Variants in DGKB observed in about 807,000 individuals in gnomAD.
The protein encoded by DGKB is 90 kDa diacylglycerol kinase.
A neutral mutation model predicts 114.3 loss-of-function variants in DGKB; 67 were observed. The ratio of observed to expected loss-of-function variants is 0.59; its 90% CI spans 0.48 to 0.72. DGKB has a LOEUF of 0.72. Among genes scored for constraint, DGKB ranks in the 30% least tolerant of loss-of-function variants. DGKB has a pLI of 0.00. For missense variants in DGKB, 907 were observed against 975.2 expected (o/e 0.93, Z 0.93); for synonymous variants, 398 against 323.1 (o/e 1.23, Z -2.49).
chr7:14,697,821 GGA>G (rs780492348), intron 8 of DGKB, among the ~76,000 whole-genome samples: 11 of 140,778 alleles, frequency 7.8e-5, no homozygotes, highest in Non-Finnish European at 1.1e-4. Context: ...AGAAAGGAAA[GGA>G]GAGAGAGAGA....
chr7:14,239,772 G>T (rs940773205), intron 23 of DGKB, among the ~76,000 whole-genome samples: 2 of 152,098 alleles, frequency 1.3e-5, no homozygotes, highest in Non-Finnish European at 1.5e-5. Context: ...GTAAAATAAG[G>T]TTTGGGGATT....
At chr7:14,568,723 C>T (rs913087220) in intron 20 of DGKB, among the ~76,000 whole-genome samples, 2 of 152,156 alleles carry the variant, frequency 1.3e-5, no homozygotes, top group Non-Finnish European at 2.9e-5. Flanking sequence ...GGGTCTATAA[C>T]AATGAATATG....
chr7:14,707,098 G>T (rs1434741104), intron 6 of DGKB, among the ~76,000 whole-genome samples: 2 of 142,390 alleles, frequency 1.4e-5, no homozygotes, highest in Non-Finnish European at 3.0e-5. Flanking sequence ...AAAGAGAGAA[G>T]AATCAAATAG....
chr7:14,224,125 TTCC>T (rs761382737), intron 23 of DGKB, among the ~76,000 whole-genome samples: 5 of 152,052 alleles, frequency 3.3e-5, no homozygotes, highest in Non-Finnish European at 7.4e-5. Flanking sequence ...TTTCTCCTGC[TTCC>T]TCCTATCTTT....
chr7:14,587,921 T>C (rs1376978786), intron 17 of DGKB, among the ~76,000 whole-genome samples: 2 of 152,178 alleles, frequency 1.3e-5, no homozygotes, highest in Non-Finnish European at 2.9e-5. Flanking sequence ...TTCACTTTAT[T>C]GTGATATTCA....
intron 21 of DGKB, among the ~76,000 whole-genome samples, chr7:14,450,974 A>C (rs1339695842): frequency 6.6e-6 from 1 of 152,104 alleles, no homozygotes; most frequent in Non-Finnish European, 1.5e-5. Flanking sequence ...GCTATCAGTC[A>C]GATGCCCAAA....
At chr7:14,763,350 T>C (rs1247389941) in intron 2 of DGKB, among the ~76,000 whole-genome samples, 4 of 152,108 alleles carry the variant, frequency 2.6e-5, no homozygotes, top group African/African-American at 9.7e-5. Flanking sequence ...TGGGCACTAG[T>C]AACACTATTA....
chr7:14,841,057 C>T (rs769692503), intron 2 of DGKB, 137 bp downstream of exon 2: 24 of 674,900 alleles, frequency 3.6e-5, no homozygotes, highest in Non-Finnish European at 5.7e-5. Context: ...CTCAAGTCAA[C>T]CTGACTTGTA....
In DGKB at chr7:14,511,585, A is replaced by G. The variant is rs577632109; in HGVS notation, c.1771-33360T>C. 3.3e-5 allele frequency among the ~76,000 whole-genome samples: 5 copies of G among 152,300 alleles called. No homozygotes were observed. The East Asian group carries it at 7.7e-4, about 24-fold the overall frequency. On this transcript the variant is annotated intron_variant, in intron 20 of 25. Coordinates refer to ENST00000402815, the MANE Select transcript of DGKB (RefSeq NM_001350709.2). ...TAAGGCTGTTTCACTTTCACTTCATAGTTCATGGGAGTAACCCTTTTAATT... is the reference window on the plus strand; with the variant it reads ...TAAGGCTGTTTCACTTTCACTTCATGGTTCATGGGAGTAACCCTTTTAATT...
chr7:14,638,291 A>G (rs1226167960), intron 13 of DGKB, among the ~76,000 whole-genome samples: 1 of 152,160 alleles, frequency 6.6e-6, no homozygotes, highest in Non-Finnish European at 1.5e-5. Context: ...ACTAAATACA[A>G]TGCTACTTTG....
rs546131981 is a variant in DGKB at position 14,736,198 on chromosome 7, GA to G, written c.169-5del. The G allele has an allele frequency of 3.8e-4, 446 of 1,159,910 alleles. No homozygotes were observed. The highest frequency in any genetic ancestry group is 1.8e-3 in the Admixed American group (55 of 30,998). 71.9% of individuals were successfully genotyped at this position (1,159,910 alleles called of 1,614,324 possible). A position where few individuals can be genotyped will look rare whatever the true frequency, so the allele number is the denominator to read the frequency against. On this transcript the variant is annotated splice_region_variant and splice_polypyrimidine_tract_variant and intron_variant, in intron 4 of 25. Coordinates refer to ENST00000402815, the MANE Select transcript of DGKB (RefSeq NM_001350709.2). Reference sequence around the variant, plus strand: ...TGAAACCTTCAAAATCTATTGTCTGGAAAAAAAAAATGTAAACATGTATTTT... The same window carrying G: ...TGAAACCTTCAAAATCTATTGTCTGGAAAAAAAAATGTAAACATGTATTTT...
chr7:14,790,356 T>C (rs1840493248), intron 2 of DGKB, among the ~76,000 whole-genome samples: 1 of 152,308 alleles, frequency 6.6e-6, no homozygotes, highest in Non-Finnish European at 1.5e-5. Flanking sequence ...GTCTAAGAAA[T>C]GTTTGCCTAG....
At chr7:14,369,865 T>G (rs1817341279) in intron 21 of DGKB, among the ~76,000 whole-genome samples, 1 of 152,196 alleles carries the variant, frequency 6.6e-6, no homozygotes, top group Non-Finnish European at 1.5e-5. Context: ...TCCCATTCTG[T>G]AAAATTATGT....
intron 2 of DGKB, among the ~76,000 whole-genome samples, chr7:14,797,363 C>T (rs1479658667): frequency 1.3e-5 from 2 of 152,122 alleles, no homozygotes; most frequent in Admixed American, 6.6e-5. Context: ...CCCAAAGGAC[C>T]TATGGCATTT....
Position 14,741,586 on chromosome 7 carries a change from G to C in DGKB, c.169-5392C>G, listed in dbSNP as rs552725839. On this transcript the variant is annotated intron_variant, in intron 4 of 25. Transcript: ENST00000402815. ...AATGAGTAGTTTCTGGCAAATACCT[G>C]TGTGACTTCTACCATTTGCTGATTC... 1.1e-4 allele frequency among the ~76,000 whole-genome samples: 16 copies of C among 152,290 alleles called. No individual in the cohort carries two copies. The South Asian group carries it at 2.9e-3, about 28-fold the overall frequency.
intron 2 of DGKB, among the ~76,000 whole-genome samples, chr7:14,760,355 A>C (rs1835507961): frequency 6.6e-6 from 1 of 152,148 alleles, no homozygotes; most frequent in Non-Finnish European, 1.5e-5. Context: ...CATTGCAATA[A>C]ATATTGAGAT....
At chr7:14,719,866 C>A (rs1262180154) in intron 5 of DGKB, among the ~76,000 whole-genome samples, 1 of 152,130 alleles carries the variant, frequency 6.6e-6, no homozygotes, top group Non-Finnish European at 1.5e-5. Flanking sequence ...GTAGCTTTAA[C>A]ACATATTATC....
intron 1 of DGKB, among the ~76,000 whole-genome samples, chr7:14,861,731 T>G (rs769050661): frequency 6.6e-6 from 1 of 152,044 alleles, no homozygotes; most frequent in African/African-American, 2.4e-5. Context: ...TTTATTTGTC[T>G]GTGCTTGCTT....
intron 2 of DGKB, among the ~76,000 whole-genome samples, chr7:14,800,050 G>A (rs1841944398): frequency 6.6e-6 from 1 of 152,016 alleles, no homozygotes; most frequent in African/African-American, 2.4e-5. Flanking sequence ...CTGAGTAGCT[G>A]GGACTACAGG....
Sources: gnomAD v4.1 joint callset for allele counts (sites outside exome capture counted in the v4.1 genomes callset) on GRCh38, gnomAD v4.1.1 for gene constraint, MANE v1.5 for transcripts, NCBI Gene and HGNC (gene_info 2026-07-23, HGNC 2026-07-21) for gene names.